Variants in USP48 observed in about 807,000 individuals in gnomAD.
The protein encoded by USP48 is ubiquitin specific peptidase 48, also known as ubiquitin carboxyl-terminal hydrolase 48.
A neutral mutation model predicts 150.7 loss-of-function variants in USP48; 43 were observed. That is an observed-to-expected ratio of 0.29 (90% CI 0.22 to 0.37). The LOEUF is 0.37. Among genes scored for constraint, USP48 ranks in the 10% least tolerant of loss-of-function variants. The pLI is 1.00. For missense variants in USP48, 813 were observed against 1,249.6 expected (o/e 0.65, Z 5.27); for synonymous variants, 396 against 425.9 (o/e 0.93, Z 0.86).
chr1:21,711,074 C>G (rs984849002), intron 15 of USP48, among the ~76,000 whole-genome samples: 10 of 151,744 alleles, frequency 6.6e-5, no homozygotes, highest in African/African-American at 2.2e-4. Flanking sequence ...ATGTGAACCA[C>G]CACACCAAAG....
chr1:21,740,373 A>G (rs1220522270), intron 8 of USP48, among the ~76,000 whole-genome samples: 1 of 152,258 alleles, frequency 6.6e-6, no homozygotes, highest in African/African-American at 2.4e-5. Flanking sequence ...TCTTTGGTTT[A>G]GAAGATTATC....
At chr1:21,689,915 C>T in intron 24 of USP48, 59 bp downstream of exon 24, 3 of 1,597,720 alleles carry the variant, frequency 1.9e-6, no homozygotes, top group South Asian at 1.1e-5. Context: ...ACACAGTTTA[C>T]ACATAGTTAT....
intron 1 of USP48, among the ~76,000 whole-genome samples, chr1:21,771,328 C>T (rs1015711654): frequency 4.0e-5 from 6 of 150,522 alleles, no homozygotes; most frequent in East Asian, 2.0e-4. Flanking sequence ...GAGCAAAGAT[C>T]GTGCCACTGC....
At chr1:21,694,915 T>C in intron 23 of USP48, 151 bp downstream of exon 23, 2 of 890,804 alleles carry the variant, frequency 2.2e-6, no homozygotes, top group Non-Finnish European at 3.2e-6. Context: ...TTCACTTTCA[T>C]CTTCACAAAA....
chr1:21,775,549 G>A (rs992397534), intron 1 of USP48, among the ~76,000 whole-genome samples: 12 of 152,274 alleles, frequency 7.9e-5, no homozygotes, highest in East Asian at 1.9e-4. Flanking sequence ...GCCACCGTGC[G>A]TGGCCCTCAT....
chr1:21,684,778 C>A (rs1004737111), intron 25 of USP48, among the ~76,000 whole-genome samples: 1 of 152,158 alleles, frequency 6.6e-6, no homozygotes, highest in South Asian at 2.1e-4. Context: ...CCAGTTTTCC[C>A]AGCAAAATCT....
chr1:21,717,858 C>T (rs72660381), intron 14 of USP48, among the ~76,000 whole-genome samples: 10,798 of 152,120 alleles, frequency 0.071, 491 homozygotes, highest in Non-Finnish European at 0.091. Context: ...GGAGGCTGAG[C>T]CCAGGAGGTG....
Position 21,706,494 on chromosome 1 carries a change from G to C in USP48, c.2184C>G (p.Asn728Lys). The part of the protein sequence containing the change: ...TSLPNLFQDK[N>K]RPCLSNWPED... ...CTGGCCAGTTACTGAGACACGGTCTGTTTTTATCCTGGAACAAATTTGGGA... is the reference window on the plus strand; with the variant it reads ...CTGGCCAGTTACTGAGACACGGTCTCTTTTTATCCTGGAACAAATTTGGGA... The change falls in exon 17 of 27, where the codon AAC (asparagine) becomes AAG (lysine). Residue 728 changes from asparagine (N) to lysine (K), a missense_variant. Coordinates refer to ENST00000308271, the MANE Select transcript of USP48 (RefSeq NM_032236.8). 6.2e-7 allele frequency: 1 copy of C among 1,614,162 alleles called. No homozygotes were observed. The highest frequency in any genetic ancestry group is 8.5e-7 in the Non-Finnish European group (1 of 1,180,016).
chr1:21,723,284 C>T (rs758803887), intron 12 of USP48, among the ~76,000 whole-genome samples: 49 of 152,002 alleles, frequency 3.2e-4, no homozygotes, highest in Non-Finnish European at 4.9e-4. Flanking sequence ...TTTGGGAGGG[C>T]GAGGTTGAGT....
intron 3 of USP48, among the ~76,000 whole-genome samples, chr1:21,753,616 C>G (rs2097823013): frequency 6.6e-6 from 1 of 151,736 alleles, no homozygotes; most frequent in African/African-American, 2.4e-5. Context: ...AATCTGAGGT[C>G]AGGAGTTCAA....
At chr1:21,691,293 A>C (rs1456451843) in intron 23 of USP48, among the ~76,000 whole-genome samples, 2 of 148,184 alleles carry the variant, frequency 1.3e-5, no homozygotes, top group Non-Finnish European at 3.0e-5. Flanking sequence ...CAGCCTATAC[A>C]ACAAGAGCGA....
chr1:21,687,617 G>A (rs1377168954), intron 24 of USP48, among the ~76,000 whole-genome samples: 1 of 152,132 alleles, frequency 6.6e-6, no homozygotes, highest in Non-Finnish European at 1.5e-5. Context: ...AAGTTATACT[G>A]GTCCTCTCAG....
intron 8 of USP48, among the ~76,000 whole-genome samples, chr1:21,740,721 T>C (rs909502911): frequency 6.6e-6 from 1 of 152,146 alleles, no homozygotes; most frequent in African/African-American, 2.4e-5. Flanking sequence ...TTCACCTCAG[T>C]CAGTGGAAAT....
chr1:21,739,724 T>TA (rs888286544), intron 8 of USP48, among the ~76,000 whole-genome samples: 1 of 152,164 alleles, frequency 6.6e-6, no homozygotes, highest in Non-Finnish European at 1.5e-5. Flanking sequence ...TGCTATGCAA[T>TA]AAAGCTCCAA....
chr1:21,721,308 C>T (rs2097720255), intron 13 of USP48, 142 bp from the exon 14 acceptor site: 4 of 1,222,056 alleles, frequency 3.3e-6, no homozygotes, highest in Non-Finnish European at 4.5e-6. Flanking sequence ...AACCCACTTC[C>T]TAATTTCGGT....
At chr1:21,764,711 CAAAAAAA>C (rs35810751) in intron 1 of USP48, among the ~76,000 whole-genome samples, 1 of 108,270 alleles carries the variant, frequency 9.2e-6, no homozygotes, top group African/African-American at 3.5e-5. Flanking sequence ...CACTCCGTCT[CAAAAAAA>C]AAAAAAAAAA....
At chr1:21,700,709 C>A (rs936757664) in intron 22 of USP48, among the ~76,000 whole-genome samples, 16 of 152,164 alleles carry the variant, frequency 1.1e-4, no homozygotes, top group African/African-American at 3.6e-4. Flanking sequence ...ATGTGGGGGT[C>A]TGACTTTTTG....
At chr1:21,698,619 G>A (rs1483300939) in intron 22 of USP48, among the ~76,000 whole-genome samples, 1 of 152,194 alleles carries the variant, frequency 6.6e-6, no homozygotes, top group African/African-American at 2.4e-5. Context: ...ATTGTGTCAA[G>A]TTTAACAAAC....
intron 1 of USP48, among the ~76,000 whole-genome samples, chr1:21,778,038 G>A (rs1193508103): frequency 1.3e-5 from 2 of 151,126 alleles, no homozygotes; most frequent in African/African-American, 4.9e-5. Context: ...AGCTACTCGG[G>A]AGGCTGAGGC....
Sources: allele counts gnomAD v4.1 joint callset (sites outside exome capture counted in the v4.1 genomes callset), GRCh38; gene constraint gnomAD v4.1.1; transcripts MANE v1.5; gene names NCBI Gene and HGNC (gene_info 2026-07-23, HGNC 2026-07-21).